The following BSDC1 variants were observed in gnomAD, a reference collection of about 807,000 sequenced individuals.
BSDC1 encodes BSD domain containing 1.
BSDC1 carries 29 observed loss-of-function variants against 56.0 expected under a neutral mutation model. The ratio of observed to expected loss-of-function variants is 0.52; its 90% CI spans 0.39 to 0.71. The LOEUF is 0.71. Ranked by LOEUF, BSDC1 falls within the 30% of genes least tolerant of loss-of-function variation. The pLI is 0.00. For synonymous variants in BSDC1, 210 were observed against 215.3 expected (o/e 0.98, Z 0.21); for missense variants, 477 against 548.5 (o/e 0.87, Z 1.30).
intron 9 of BSDC1, chr1:32,369,404 G>A (rs1286608917): frequency 1.3e-6 from 1 of 759,726 alleles, no homozygotes; most frequent in Non-Finnish European, 1.9e-6. Context: ...AGCTACTCAG[G>A]AGGCTGAGGT....
At chr1:32,386,713 G>T in intron 3 of BSDC1, 66 bp downstream of exon 3, 1 of 1,167,840 alleles carries the variant, frequency 8.6e-7, no homozygotes, top group Non-Finnish European at 1.2e-6. Flanking sequence ...TGGTAGAAAG[G>T]TTGGGAGCCC....
intron 8 of BSDC1, among the ~76,000 whole-genome samples, chr1:32,377,717 CG>C (rs150444137): frequency 0.019 from 2,869 of 152,240 alleles, 89 homozygotes; most frequent in African/African-American, 0.064. Flanking sequence ...AGTGACTAAG[CG>C]GCAGCTGGTT....
rs772455480 is a variant in BSDC1, at chr1:32,376,438, C to A, written c.980G>T (p.Gly327Val). The change falls in exon 9 of 11, where the codon GGA becomes GTA. Residue 327 changes from glycine to valine, a missense_variant. Transcript: ENST00000455895. ...CTTGGAGTGAATAGGGGGTGAGGGT[C>A]CAGTCTCACCCACATCCACAGCCAG... ...QGLAVDVGET[G>V]PSPPIHSKPL... 1.2e-6 allele frequency: 2 copies of A among 1,613,234 alleles called. No individual in the cohort carries two copies. Among genetic ancestry groups the A allele is most frequent in the East Asian group, 2.2e-5 (1 of 44,878 alleles).
intron 2 of BSDC1, among the ~76,000 whole-genome samples, chr1:32,387,890 A>C (rs376987760): frequency 2.0e-4 from 30 of 152,336 alleles, no homozygotes; most frequent in South Asian, 8.3e-4. Flanking sequence ...CAAGAGAAAG[A>C]CTAGATCAGA....
intron 3 of BSDC1, among the ~76,000 whole-genome samples, chr1:32,385,182 T>C (rs1454822704): frequency 6.6e-6 from 1 of 152,204 alleles, no homozygotes; most frequent in Non-Finnish European, 1.5e-5. Context: ...ACTTCAGAAC[T>C]TTGCAGGGAT....
chr1:32,390,689 C>T (rs1260434334), intron 2 of BSDC1, among the ~76,000 whole-genome samples: 2 of 152,086 alleles, frequency 1.3e-5, no homozygotes, highest in Non-Finnish European at 2.9e-5. Context: ...GGTGGGCAGA[C>T]TGCTTGAGCC....
intron 3 of BSDC1, 24 bp from the exon 4 acceptor site, chr1:32,384,021 A>G (rs566618279): frequency 1.2e-6 from 2 of 1,612,998 alleles, no homozygotes; most frequent in South Asian, 2.2e-5. Flanking sequence ...GGGCAGAGGA[A>G]GCAAGCGCCC....
intron 3 of BSDC1, among the ~76,000 whole-genome samples, chr1:32,385,814 T>C (rs1642644353): frequency 6.6e-6 from 1 of 152,158 alleles, no homozygotes; most frequent in African/African-American, 2.4e-5. Flanking sequence ...GAGTAGATAG[T>C]AAAAGGCTTA....
At chr1:32,376,135 T>G in intron 9 of BSDC1, 127 bp downstream of exon 9, 3 of 1,004,830 alleles carry the variant, frequency 3.0e-6, no homozygotes, top group Admixed American at 5.4e-5. Context: ...ATATAGCAGC[T>G]GTCATCATTA....
Position 32,378,851 on chromosome 1 carries a change from C to A in BSDC1, c.413-12G>T. 2 of 1,469,400 alleles carry A rather than the reference C, an allele frequency of 1.4e-6. No individual in the cohort carries two copies. Among genetic ancestry groups the A allele is most frequent in the Non-Finnish European group, 9.0e-7 (1 of 1,105,058 alleles). 91.0% of individuals were successfully genotyped at this position (1,469,400 alleles called of 1,614,324 possible). ...CAATTCCGGGGGCCCTGCAGAGGGA[C>A]AGATGCTGACGGTCAGTTGCCTTGG... is the stretch of plus-strand genomic sequence containing the variant. On this transcript the variant is annotated splice_polypyrimidine_tract_variant and intron_variant, in intron 5 of 10. Coordinates refer to ENST00000455895, the MANE Select transcript of BSDC1 (RefSeq NM_018045.8). The surrounding 1 kb of genome is among the most constrained non-coding windows in gnomAD (Gnocchi z 5.2).
Position 32,378,338 on chromosome 1 carries a change from T to A in BSDC1, c.529-55A>T. 1 of 1,525,716 alleles carries A rather than the reference T, an allele frequency of 6.6e-7. No individual in the cohort carries two copies. Among genetic ancestry groups the A allele is most frequent in the Non-Finnish European group, 9.1e-7 (1 of 1,100,470 alleles). 94.5% of individuals were successfully genotyped at this position (1,525,716 alleles called of 1,614,324 possible). A position where few individuals can be genotyped will look rare whatever the true frequency, so the allele number is the denominator to read the frequency against. On this transcript the variant is annotated intron_variant, in intron 6 of 10. Coordinates refer to ENST00000455895, the MANE Select transcript of BSDC1 (RefSeq NM_018045.8). This position sits in a 1 kb window ranked among gnomAD's most constrained non-coding sequence, Gnocchi z 5.2. ...TTTGGGAGTGTTTGTGTGGGGTCTG[T>A]GTCCCCAGCCTTATCAGTCTATTCC...
In BSDC1 at chr1:32,366,424, G is replaced by C. The variant is rs1292243335; in HGVS notation, c.*198C>G. Reference sequence around the variant, plus strand: ...ATTGTTGGCACAAGTCAGAGTTTCTGGCCGGGATTTAGAGAGCCCCTTCCC... The same window carrying C: ...ATTGTTGGCACAAGTCAGAGTTTCTCGCCGGGATTTAGAGAGCCCCTTCCC... On this transcript the variant is annotated 3_prime_UTR_variant, in exon 11 of 11. Transcript: ENST00000455895. 4 of 709,412 alleles carry C rather than the reference G, an allele frequency of 5.6e-6. No individual in the cohort carries two copies. The highest frequency in any genetic ancestry group is 2.0e-5 in the Admixed American group (1 of 49,896). 43.9% of individuals were successfully genotyped at this position (709,412 alleles called of 1,614,324 possible).
rs1642570142 is a variant in BSDC1 at position 32,383,825 on chromosome 1, A to T, written c.357+5T>A. ...GCATCTGCAGGGGAGACTGTCAGTG[A>T]ATACCTTGGTGCCATCATAGGGCTC... On this transcript the variant is annotated splice_donor_5th_base_variant and intron_variant, in intron 4 of 10. Transcript: ENST00000455895. 2 of 1,612,058 alleles carry T rather than the reference A, an allele frequency of 1.2e-6. No homozygotes were observed. The highest frequency in any genetic ancestry group is 1.7e-6 in the Non-Finnish European group (2 of 1,179,864).
chr1:32,376,890 G>T, intron 8 of BSDC1, 149 bp from the exon 9 acceptor site: 1 of 962,076 alleles, frequency 1.0e-6, no homozygotes, highest in Non-Finnish European at 1.3e-6. Flanking sequence ...CACCACTTTG[G>T]GAGGATGAGG....
chr1:32,366,856 G>A, intron 10 of BSDC1: 1 of 1,313,604 alleles, frequency 7.6e-7, no homozygotes, highest in Non-Finnish European at 9.7e-7. Flanking sequence ...GGGTGGGCCT[G>A]ATGCTCTGAT....
intron 5 of BSDC1, among the ~76,000 whole-genome samples, chr1:32,380,043 A>G (rs190175612): frequency 7.2e-4 from 109 of 152,306 alleles, no homozygotes; most frequent in African/African-American, 2.5e-3. Flanking sequence ...TATTGCACAA[A>G]AAGTTTGGTG....
In BSDC1 at chr1:32,365,993, G is replaced by A. The variant is rs1641834642; in HGVS notation, c.*629C>T. The A allele has an allele frequency of 6.2e-6, 1 of 160,476 alleles. No homozygotes were observed. Among genetic ancestry groups the A allele is most frequent in the Non-Finnish European group, 1.4e-5 (1 of 72,964 alleles). The allele number at this position is 160,476 out of a possible 1,614,324, so 9.9% of individuals were successfully genotyped here. ...TGGGGACAGACCAGCGTGGGCTGGAGGAAAGGAAGGAGGTGGGTCAGGGTT... is the reference window on the plus strand; with the variant it reads ...TGGGGACAGACCAGCGTGGGCTGGAAGAAAGGAAGGAGGTGGGTCAGGGTT... On this transcript the variant is annotated 3_prime_UTR_variant, in exon 11 of 11. Coordinates refer to ENST00000455895, the MANE Select transcript of BSDC1 (RefSeq NM_018045.8).
At chr1:32,375,817 A>G (rs1642258634) in intron 9 of BSDC1, among the ~76,000 whole-genome samples, 1 of 152,208 alleles carries the variant, frequency 6.6e-6, no homozygotes, top group African/African-American at 2.4e-5. Context: ...AATTGTCCAA[A>G]AAGATAGAAA....
At chr1:32,381,174 C>T (rs753627778) in intron 5 of BSDC1, 40 bp downstream of exon 5, 91 of 1,610,138 alleles carry the variant, frequency 5.7e-5, no homozygotes, top group African/African-American at 2.7e-5. Flanking sequence ...CCTTAGTCTA[C>T]TTGCCCTACA....
Sources: gnomAD v4.1 joint callset for allele counts (sites outside exome capture counted in the v4.1 genomes callset) on GRCh38, gnomAD v4.1.1 for gene constraint, Gnocchi (gnomAD v3.1) non-coding constraint, MANE v1.5 for transcripts, NCBI Gene and HGNC (gene_info 2026-07-23, HGNC 2026-07-21) for gene names.